Variants in DLGAP2 observed in about 807,000 individuals in gnomAD.
The protein encoded by DLGAP2 is disks large-associated protein 2.
A neutral mutation model predicts 100.3 loss-of-function variants in DLGAP2; 26 were observed. The ratio of observed to expected loss-of-function variants is 0.26; its 90% CI spans 0.19 to 0.36. The LOEUF (loss-of-function observed/expected upper bound fraction) is 0.36. Among genes scored for constraint, DLGAP2 ranks in the 10% least tolerant of loss-of-function variants. The pLI, the probability that DLGAP2 is intolerant of heterozygous loss-of-function variation, is 1.00. For synonymous variants in DLGAP2, 886 were observed against 630.1 expected, an observed-to-expected ratio of 1.41 and a Z score of -6.08; for missense variants, 1,858 against 1,453.2, an observed-to-expected ratio of 1.28 and a Z score of -4.53.
At chr8:1,085,592 G>T (rs531199475) in intron 2 of DLGAP2, among the ~76,000 whole-genome samples, 1 of 152,150 alleles carries the variant, frequency 6.6e-6, no homozygotes. Context: ...GTGTGGGTTC[G>T]TTTCTGGGCT....
chr8:1,319,717 C>G (rs948569675), intron 3 of DLGAP2, among the ~76,000 whole-genome samples: 4 of 152,072 alleles, frequency 2.6e-5, no homozygotes, highest in Admixed American at 1.3e-4. Flanking sequence ...GATGTCAGAA[C>G]GATGGGAAGA....
At chr8:967,464 A>C (rs1799899422) in intron 2 of DLGAP2, among the ~76,000 whole-genome samples, 1 of 151,992 alleles carries the variant, frequency 6.6e-6, no homozygotes, top group Non-Finnish European at 1.5e-5. Flanking sequence ...AGATGCCCTT[A>C]ATTGTTTGGA....
chr8:1,691,392 A>G (rs113218647), intron 12 of DLGAP2, 143 bp from the exon 13 acceptor site: 11 of 660,826 alleles, frequency 1.7e-5, no homozygotes, highest in African/African-American at 7.3e-5. Flanking sequence ...GGCACGAGTC[A>G]CCAGCGAACA....
intron 2 of DLGAP2, among the ~76,000 whole-genome samples, chr8:1,191,835 T>A (rs1325294745): frequency 6.6e-6 from 1 of 152,216 alleles, no homozygotes; most frequent in Non-Finnish European, 1.5e-5. Context: ...GCCTTTAAGC[T>A]GATATTACGT....
chr8:1,462,117 C>G (rs1331083199), intron 3 of DLGAP2, among the ~76,000 whole-genome samples: 1 of 37,808 alleles, frequency 2.6e-5, no homozygotes, highest in Non-Finnish European at 4.2e-5. Flanking sequence ...GTCGCTGATT[C>G]GATGACCAGG....
At chr8:1,624,708 C>A (rs112455974) in intron 6 of DLGAP2, among the ~76,000 whole-genome samples, 6,394 of 152,020 alleles carry the variant, frequency 0.042, 176 homozygotes, top group Middle Eastern at 0.071. Context: ...GTGCTGGTGC[C>A]GGTCCCCACA....
At chr8:1,696,427 G>T (rs575568449) in intron 13 of DLGAP2, among the ~76,000 whole-genome samples, 83 of 152,274 alleles carry the variant, frequency 5.5e-4, no homozygotes, top group African/African-American at 1.8e-3. Context: ...TTCAGCCCAG[G>T]AGGTAGAGGC....
chr8:1,609,398 C>T (rs1201422055), intron 6 of DLGAP2, among the ~76,000 whole-genome samples: 5 of 136,698 alleles, frequency 3.7e-5, no homozygotes, highest in East Asian at 5.4e-4. Flanking sequence ...AAGCGCTAAA[C>T]ATGGAAAGGA....
intron 2 of DLGAP2, among the ~76,000 whole-genome samples, chr8:1,008,786 T>C (rs1801194639): frequency 6.6e-6 from 1 of 152,246 alleles, no homozygotes; most frequent in Non-Finnish European, 1.5e-5. Context: ...ACCTGCTGCA[T>C]GGTGCTGCGC....
chr8:1,067,257 G>C (rs549723250), intron 2 of DLGAP2, among the ~76,000 whole-genome samples: 7 of 152,222 alleles, frequency 4.6e-5, no homozygotes, highest in African/African-American at 1.7e-4. Flanking sequence ...TGTTCTTCAA[G>C]GAGAGACTGA....
At chr8:873,217 T>A (rs1797631644) in intron 1 of DLGAP2, among the ~76,000 whole-genome samples, 1 of 152,258 alleles carries the variant, frequency 6.6e-6, no homozygotes, top group Non-Finnish European at 1.5e-5. Flanking sequence ...CATTTATTAA[T>A]TCTAATAATT....
At chr8:1,106,052 C>T (rs186648063) in intron 2 of DLGAP2, among the ~76,000 whole-genome samples, 1 of 140,852 alleles carries the variant, frequency 7.1e-6, no homozygotes, top group Admixed American at 7.1e-5. Flanking sequence ...GGGAGCCATT[C>T]CAGGAGGGTT....
chr8:1,219,534 A>G (rs1334833124), intron 2 of DLGAP2, among the ~76,000 whole-genome samples: 1 of 152,036 alleles, frequency 6.6e-6, no homozygotes. Context: ...TTTGCTGAGG[A>G]TTTTTGTGTC....
intron 4 of DLGAP2, among the ~76,000 whole-genome samples, chr8:1,534,992 G>A (rs1801108466): frequency 6.6e-6 from 1 of 152,244 alleles, no homozygotes; most frequent in Non-Finnish European, 1.5e-5. Context: ...CCATTTGCCA[G>A]AGCGCACTGT....
chr8:1,685,946 G>A (rs12681453), intron 12 of DLGAP2, among the ~76,000 whole-genome samples: 16 of 152,242 alleles, frequency 1.1e-4, no homozygotes, highest in East Asian at 3.9e-4. Flanking sequence ...TCACAGGTGC[G>A]GAGTAAGGGG....
chr8:1,555,028 C>T (rs1338312932), intron 5 of DLGAP2, among the ~76,000 whole-genome samples: 5 of 152,122 alleles, frequency 3.3e-5, no homozygotes, highest in East Asian at 1.9e-4. Flanking sequence ...CTCTAATGCA[C>T]GTTTGCAATT....
intron 3 of DLGAP2, among the ~76,000 whole-genome samples, chr8:1,500,315 G>A (rs1157565635): frequency 6.6e-6 from 1 of 152,284 alleles, no homozygotes; most frequent in East Asian, 1.9e-4. Flanking sequence ...TGTCTACACT[G>A]CCTCTGCAGC....
intron 2 of DLGAP2, among the ~76,000 whole-genome samples, chr8:1,010,407 C>T (rs1168944343): frequency 6.6e-6 from 1 of 152,224 alleles, no homozygotes; most frequent in Non-Finnish European, 1.5e-5. Flanking sequence ...GTTTTATACA[C>T]ACATACACAC....
intron 3 of DLGAP2, among the ~76,000 whole-genome samples, chr8:1,360,714 G>T (rs370606296): frequency 2.0e-5 from 3 of 152,136 alleles, no homozygotes; most frequent in African/African-American, 7.2e-5. Context: ...CATGGAGATC[G>T]GTGGCCTCGT....
Sources: allele counts gnomAD v4.1 joint callset (sites outside exome capture counted in the v4.1 genomes callset), GRCh38; gene constraint gnomAD v4.1.1; transcripts MANE v1.5; gene names NCBI Gene and HGNC (gene_info 2026-07-23, HGNC 2026-07-21).